Variants in GAGE10 observed in about 807,000 individuals in gnomAD.
GAGE10 encodes G antigen 10.
Under a neutral mutation model 11.5 loss-of-function variants are expected in GAGE10, and 9 were observed. The observed-to-expected ratio is 0.78, with a 90% CI of 0.47 to 1.37. The LOEUF (loss-of-function observed/expected upper bound fraction) is 1.37, where lower values mean the gene tolerates loss of function less well. Ranked by LOEUF, GAGE10 falls within the 40% of genes most tolerant of loss-of-function variation. GAGE10 has a pLI of 0.00. For missense variants in GAGE10, 83 were observed against 92.9 expected (o/e 0.89, Z 0.44); for synonymous variants, 23 against 29.7 (o/e 0.77, Z 0.73).
chrX:49,317,326 T>C, intron 4 of GAGE10, 38 bp downstream of exon 4: 1 of 1,176,574 alleles, frequency 8.5e-7, no homozygotes, highest in South Asian at 1.8e-5. Context: ...GTAGGGTGTC[T>C]GTTTCCACAG....
chrX:49,304,589 G>C (rs1223454067), intron 1 of GAGE10, among the ~76,000 whole-genome samples: 2 of 112,143 alleles, frequency 1.8e-5, no homozygotes, highest in Non-Finnish European at 3.8e-5. Context: ...AGCAACACAG[G>C]GAGACTGCGG....
intron 3 of GAGE10, among the ~76,000 whole-genome samples, chrX:49,312,777 A>C (rs1387403332): frequency 8.9e-6 from 1 of 112,867 alleles, no homozygotes; most frequent in African/African-American, 3.2e-5. Flanking sequence ...AAAAGCCCCA[A>C]GGTTTGTGAA....
At chrX:49,308,379 G>A (rs1448092091) in intron 3 of GAGE10, among the ~76,000 whole-genome samples, 2 of 112,239 alleles carry the variant, frequency 1.8e-5, no homozygotes, top group Non-Finnish European at 3.8e-5. Context: ...GTGCCGTAGG[G>A]GAGCTTCACC....
chrX:49,317,499 C>A (rs781927908), intron 4 of GAGE10, among the ~76,000 whole-genome samples: 33 of 111,570 alleles, frequency 3.0e-4, no homozygotes, highest in Non-Finnish European at 6.0e-4. Flanking sequence ...GGACATACAC[C>A]AATGTGCCCA....
intron 3 of GAGE10, among the ~76,000 whole-genome samples, chrX:49,316,866 G>C (rs1322515847): frequency 2.7e-5 from 3 of 110,988 alleles, no homozygotes; most frequent in Non-Finnish European, 5.7e-5. Flanking sequence ...CAGGATTTCA[G>C]CCTTGAATCA....
chrX:49,307,918 G>A (rs1557124328), intron 3 of GAGE10, among the ~76,000 whole-genome samples: 2 of 112,427 alleles, frequency 1.8e-5, no homozygotes, highest in Admixed American at 9.4e-5. Context: ...TGTGGCTAGT[G>A]AGTCTTATCT....
chrX:49,304,597 C>T (rs1359917685), intron 1 of GAGE10, among the ~76,000 whole-genome samples: 2 of 112,052 alleles, frequency 1.8e-5, no homozygotes, highest in Non-Finnish European at 3.8e-5. Flanking sequence ...AGGGAGACTG[C>T]GGGACCAAAA....
At chrX:49,317,140 G>A in intron 3 of GAGE10, 23 bp from the exon 4 acceptor site, 1 of 1,185,169 alleles carries the variant, frequency 8.4e-7, no homozygotes, top group Non-Finnish European at 1.1e-6. Flanking sequence ...TGCTTAAATT[G>A]ATATGTATTT....
intron 3 of GAGE10, among the ~76,000 whole-genome samples, chrX:49,309,363 C>T (rs1393415664): frequency 8.9e-6 from 1 of 112,339 alleles, no homozygotes; most frequent in African/African-American, 3.2e-5. Context: ...TGTCAGATGG[C>T]GGGCCGAAGG....
At chrX:49,312,232 C>T (rs2066378162) in intron 3 of GAGE10, among the ~76,000 whole-genome samples, 1 of 112,167 alleles carries the variant, frequency 8.9e-6, no homozygotes, top group African/African-American at 3.2e-5. Flanking sequence ...GCAGTAGTGA[C>T]CCAATACTCG....
At chrX:49,310,203 C>A (rs2066371461) in intron 3 of GAGE10, among the ~76,000 whole-genome samples, 1 of 111,518 alleles carries the variant, frequency 9.0e-6, no homozygotes. Context: ...GCATAAATTG[C>A]AGAAGTTAGA....
intron 3 of GAGE10, among the ~76,000 whole-genome samples, chrX:49,316,792 T>A (rs183754580): frequency 2.7e-5 from 3 of 111,775 alleles, no homozygotes; most frequent in African/African-American, 9.8e-5. Context: ...AAACTCAGCA[T>A]TTATTGCTGG....
intron 3 of GAGE10, among the ~76,000 whole-genome samples, chrX:49,313,592 C>T (rs2066382239): frequency 9.0e-6 from 1 of 111,683 alleles, no homozygotes; most frequent in African/African-American, 3.3e-5. Flanking sequence ...CCACATAAGC[C>T]AGAGGACTCT....
intron 3 of GAGE10, among the ~76,000 whole-genome samples, chrX:49,316,205 CCT>C (rs1875235018): frequency 8.9e-6 from 1 of 112,195 alleles, no homozygotes; most frequent in African/African-American, 3.2e-5. Context: ...CTTATCTCCC[CCT>C]TTCCCAGGCA....
At chrX:49,305,347 A>C (rs782710216) in intron 2 of GAGE10, 57 bp from the exon 3 acceptor site, 1 of 843,561 alleles carries the variant, frequency 1.2e-6, no homozygotes, top group South Asian at 2.6e-5. Flanking sequence ...TATATGTAAA[A>C]TTTTGTATCA....
intron 1 of GAGE10, 126 bp from the exon 2 acceptor site, chrX:49,304,726 A>C (rs2066349076): frequency 4.2e-6 from 4 of 944,241 alleles, no homozygotes; most frequent in Non-Finnish European, 6.0e-6. Context: ...ACATATGCTT[A>C]ACTCTGGGAC....
chrX:49,304,901 A>G lies in GAGE10; in HGVS notation c.42A>G (p.Arg14=), dbSNP rs1557123884. 2.2e-5 allele frequency: 27 copies of G among 1,207,636 alleles called. No homozygotes were observed. The highest frequency in any genetic ancestry group is 1.0e-4 in the African/African-American group (6 of 57,288). The change falls in exon 2 of 5, where the codon AGA becomes AGG. Residue 14 remains arginine (R), a synonymous_variant. Transcript: ENST00000407599. The part of the protein sequence containing the change: ...RGRSTYRPRP[R]RYVEPPEMIG... ...GATCGACCTATCGGCCTAGACCAAG[A>G]CGCTACGTAGAGCCCCCTGAAATGA...
intron 3 of GAGE10, among the ~76,000 whole-genome samples, chrX:49,312,095 C>T (rs1432922566): frequency 8.9e-6 from 1 of 112,202 alleles, no homozygotes; most frequent in Non-Finnish European, 1.9e-5. Context: ...GGACCTTCCC[C>T]ACTGTTGCAT....
Position 49,304,959 on chromosome X carries a change from A to G in GAGE10, c.81+19A>G. 2.5e-6 allele frequency: 3 copies of G among 1,188,726 alleles called. No homozygotes were observed. The highest frequency in any genetic ancestry group is 3.4e-6 in the Non-Finnish European group (3 of 878,461). On this transcript the variant is annotated intron_variant, in intron 2 of 4. Transcript: ENST00000407599. Reference sequence around the variant, plus strand: ...TATGCTGGTGAGTGCTTAAACGTTAATTCGTTGTTTTCTATTAGCAGAAAT... The same window carrying G: ...TATGCTGGTGAGTGCTTAAACGTTAGTTCGTTGTTTTCTATTAGCAGAAAT...
Sources: gnomAD v4.1 joint callset for allele counts (sites outside exome capture counted in the v4.1 genomes callset) on GRCh38, gnomAD v4.1.1 for gene constraint, MANE v1.5 for transcripts, NCBI Gene and HGNC (gene_info 2026-07-23, HGNC 2026-07-21) for gene names.